The following FBXO28 variants were observed in gnomAD, a reference collection of about 807,000 sequenced individuals.
The protein encoded by FBXO28 is F-box only protein 28.
FBXO28 carries 8 observed loss-of-function variants against 38.1 expected under a neutral mutation model. The observed-to-expected ratio is 0.21, with a 90% CI of 0.12 to 0.38. The LOEUF is 0.38. Ranked by LOEUF, FBXO28 falls within the 10% of genes least tolerant of loss-of-function variation. The probability of loss-of-function intolerance (pLI) is 1.00; values close to 1 mark genes in which losing one functional copy is unlikely to be tolerated. For missense variants in FBXO28, 345 were observed against 460.6 expected (o/e 0.75, Z 2.30); for synonymous variants, 168 against 173.8 (o/e 0.97, Z 0.26).
intron 1 of FBXO28, among the ~76,000 whole-genome samples, chr1:224,123,726 G>A (rs1306579712): frequency 6.6e-6 from 1 of 152,090 alleles, no homozygotes; most frequent in Non-Finnish European, 1.5e-5. Context: ...ATTATATATC[G>A]TAGGTCTATT....
chr1:224,157,891 A>G lies in FBXO28; in HGVS notation c.*145A>G. On this transcript the variant is annotated 3_prime_UTR_variant, in exon 5 of 5. Transcript: ENST00000366862. The stretch of plus-strand genomic sequence containing the variant: ...TTAAACTTGAACTCTTATGGTTGGG[A>G]CATTCTTTTCCTGCTTCTCCTGATT... The G allele has an allele frequency of 1.4e-6, 2 of 1,426,142 alleles. No individual in the cohort carries two copies. Among genetic ancestry groups the G allele is most frequent in the Non-Finnish European group, 1.8e-6 (2 of 1,096,902 alleles). 88.3% of individuals were successfully genotyped at this position (1,426,142 alleles called of 1,614,324 possible).
chr1:224,128,983 C>CGAA (rs1656969855), intron 1 of FBXO28, among the ~76,000 whole-genome samples: 1 of 98,156 alleles, frequency 1.0e-5, no homozygotes, highest in Non-Finnish European at 1.9e-5. Context: ...AAGACCCTGT[C>CGAA]AAAAAAAAAA....
intron 1 of FBXO28, 136 bp from the exon 2 acceptor site, chr1:224,130,336 C>G (rs942171601): frequency 1.7e-6 from 1 of 579,704 alleles, no homozygotes; most frequent in South Asian, 2.2e-5. Flanking sequence ...AGTGAGACTT[C>G]GTCTCAAAAA....
At chr1:224,144,499 C>T (rs1657450122) in intron 3 of FBXO28, among the ~76,000 whole-genome samples, 1 of 151,752 alleles carries the variant, frequency 6.6e-6, no homozygotes, top group Non-Finnish European at 1.5e-5. Flanking sequence ...GTGACTCACA[C>T]CTATGATTTC....
At position 224,158,497 on chromosome 1, in the gene FBXO28, A is replaced by C. The variant is rs1657822541; in HGVS notation, c.*751A>C. ...ACCTCTATACTTCTCCACTTTTTAG[A>C]GCGGCGTCTTAGTTTATTTAAACGC... On this transcript the variant is annotated 3_prime_UTR_variant, in exon 5 of 5. Coordinates refer to ENST00000366862, the MANE Select transcript of FBXO28 (RefSeq NM_015176.4). 1 of 152,726 alleles carries C rather than the reference A, an allele frequency of 6.5e-6. No individual in the cohort carries two copies. Among genetic ancestry groups the C allele is most frequent in the Non-Finnish European group, 1.5e-5 (1 of 68,184 alleles). 9.5% of individuals were successfully genotyped at this position (152,726 alleles called of 1,614,324 possible).
chr1:224,118,440 G>A (rs1401535711), intron 1 of FBXO28, among the ~76,000 whole-genome samples: 5 of 152,068 alleles, frequency 3.3e-5, no homozygotes, highest in African/African-American at 1.2e-4. Flanking sequence ...ATTTTAATTG[G>A]AATCATATTA....
chr1:224,126,846 T>G (rs1206895081), intron 1 of FBXO28, among the ~76,000 whole-genome samples: 2 of 152,062 alleles, frequency 1.3e-5, no homozygotes, highest in Non-Finnish European at 2.9e-5. Flanking sequence ...TATCAAATAG[T>G]TTTAATAACA....
At chr1:224,128,147 C>T (rs1331720421) in intron 1 of FBXO28, among the ~76,000 whole-genome samples, 1 of 151,884 alleles carries the variant, frequency 6.6e-6, no homozygotes, top group Non-Finnish European at 1.5e-5. Flanking sequence ...TTCGTTTCAA[C>T]AAATATTTGT....
chr1:224,151,514 A>C (rs1319309590), intron 3 of FBXO28, among the ~76,000 whole-genome samples: 2 of 152,228 alleles, frequency 1.3e-5, no homozygotes, highest in Non-Finnish European at 2.9e-5. Context: ...TCCTGATACG[A>C]TTCTGCAAGA....
In FBXO28 at chr1:224,159,081, A is replaced by T. The variant is rs761731825; in HGVS notation, c.*1335A>T. 2 of 152,610 alleles carry T rather than the reference A, an allele frequency of 1.3e-5. No homozygotes were observed. The highest frequency in any genetic ancestry group is 4.8e-5 in the African/African-American group (2 of 41,446). The allele number at this position is 152,610 out of a possible 1,614,324, so 9.5% of individuals were successfully genotyped here. On this transcript the variant is annotated 3_prime_UTR_variant, in exon 5 of 5. Transcript: ENST00000366862. ...CAGTTGTATAGTTTTGAGACATTCA[A>T]TTATCACTGTCTTAGTTGTATTTTA...
chr1:224,153,403 A>C, intron 4 of FBXO28, 66 bp downstream of exon 4: 2 of 1,259,314 alleles, frequency 1.6e-6, no homozygotes, highest in Non-Finnish European at 1.1e-6. Flanking sequence ...TTTTCCACTT[A>C]ACCAGTGTCT....
intron 3 of FBXO28, among the ~76,000 whole-genome samples, chr1:224,142,073 C>T (rs1209738685): frequency 6.6e-6 from 1 of 151,346 alleles, no homozygotes; most frequent in Non-Finnish European, 1.5e-5. Flanking sequence ...TTTTTGGGGC[C>T]AGGCATGGTG....
At chr1:224,120,016 C>T (rs1000216723) in intron 1 of FBXO28, among the ~76,000 whole-genome samples, 5 of 152,172 alleles carry the variant, frequency 3.3e-5, no homozygotes, top group African/African-American at 1.2e-4. Flanking sequence ...AAAAACAAAA[C>T]AACTTCCGTC....
At chr1:224,125,173 G>A (rs1021555826) in intron 1 of FBXO28, among the ~76,000 whole-genome samples, 3 of 151,266 alleles carry the variant, frequency 2.0e-5, no homozygotes, top group Non-Finnish European at 2.9e-5. Flanking sequence ...GAGTAGTGCA[G>A]GTGTGATCAT....
chr1:224,130,341 C>CAA, intron 1 of FBXO28, 131 bp from the exon 2 acceptor site: 1 of 593,966 alleles, frequency 1.7e-6, no homozygotes, highest in African/African-American at 1.9e-5. Flanking sequence ...GACTTCGTCT[C>CAA]AAAAAAAAAG....
At chr1:224,153,708 GT>G (rs1413277903) in intron 4 of FBXO28, among the ~76,000 whole-genome samples, 5 of 151,402 alleles carry the variant, frequency 3.3e-5, no homozygotes, top group Admixed American at 1.3e-4. Context: ...ATCACCTGAG[GT>G]CGGTAGTTCA....
At chr1:224,153,415 G>A (rs1250081621) in intron 4 of FBXO28, 78 bp downstream of exon 4, 31 of 1,063,982 alleles carry the variant, frequency 2.9e-5, no homozygotes, top group Non-Finnish European at 3.9e-5. Flanking sequence ...CCAGTGTCTT[G>A]AACTTTTCTG....
Position 224,137,072 on chromosome 1 carries a change from T to C in FBXO28, c.516+2860T>C, listed in dbSNP as rs922001405. 1.6e-4 allele frequency among the ~76,000 whole-genome samples: 25 copies of C among 151,862 alleles called. 2 individuals are homozygous for C. Among genetic ancestry groups the C allele is most frequent in the African/African-American group, 5.6e-4 (23 of 41,192 alleles). On this transcript the variant is annotated intron_variant, in intron 3 of 4. Transcript: ENST00000366862. ...TAGCCACAGAAGCTTTTATACTTTG[T>C]TAAGAAAACTAACTTTTGTGGTTTT...
intron 1 of FBXO28, among the ~76,000 whole-genome samples, chr1:224,119,639 C>CT (rs1656727598): frequency 6.6e-6 from 1 of 152,120 alleles, no homozygotes; most frequent in South Asian, 2.1e-4. Flanking sequence ...CTTGAGCACA[C>CT]TTACACAGCA....
Sources: allele counts gnomAD v4.1 joint callset (sites outside exome capture counted in the v4.1 genomes callset), GRCh38; gene constraint gnomAD v4.1.1; transcripts MANE v1.5; gene names NCBI Gene and HGNC (gene_info 2026-07-23, HGNC 2026-07-21).